PELP1: variants seen among roughly 807,000 people sequenced by gnomAD.
The protein encoded by PELP1 is proline-, glutamic acid- and leucine-rich protein 1.
In PELP1, 32 loss-of-function variants were observed where a neutral mutation model predicts 95.5. The observed-to-expected ratio is 0.34, with a 90% CI of 0.25 to 0.45. The LOEUF (loss-of-function observed/expected upper bound fraction) is 0.45, where lower values mean the gene tolerates loss of function less well. Ranked by LOEUF, PELP1 falls within the 20% of genes least tolerant of loss-of-function variation. PELP1 has a pLI of 1.00. For synonymous variants in PELP1, 668 were observed against 600.1 expected (o/e 1.11, Z -1.65); for missense variants, 1,358 against 1,444.8 (o/e 0.94, Z 0.97).
In PELP1 at chr17:4,672,306, T is replaced by TTCTTCCTCTTCCTCCTCC; in HGVS notation, c.2667_2684dup (p.Glu903_Glu908dup). 1 of 1,538,936 alleles carries TTCTTCCTCTTCCTCCTCC rather than the reference T, an allele frequency of 6.5e-7. No homozygotes were observed. Among genetic ancestry groups the TTCTTCCTCTTCCTCCTCC allele is most frequent in the Non-Finnish European group, 8.8e-7 (1 of 1,136,976 alleles). On this transcript the variant is annotated inframe_insertion, in exon 16 of 17. Coordinates refer to ENST00000572293, the MANE Select transcript of PELP1 (RefSeq NM_014389.3). ...CTTCTTCCTCTTCTTCTTCTTCCTC[T>TTCTTCCTCTTCCTCCTCC]TCTTCCTCTTCCTCCTCCTCTTCAT...
chr17:4,702,366 C>A (rs1252718553), intron 1 of PELP1, among the ~76,000 whole-genome samples: 2 of 152,122 alleles, frequency 1.3e-5, no homozygotes, highest in East Asian at 3.9e-4. Context: ...TTGCAGTGAG[C>A]CAAGATCATG....
At chr17:4,677,655 G>A (rs768131958) in intron 5 of PELP1, among the ~76,000 whole-genome samples, 1 of 152,222 alleles carries the variant, frequency 6.6e-6, no homozygotes, top group Non-Finnish European at 1.5e-5. Flanking sequence ...CAGGCTGGGT[G>A]CAGTAGCTCA....
At chr17:4,682,387 T>C (rs936132850) in intron 5 of PELP1, 115 bp downstream of exon 5, 13 of 709,156 alleles carry the variant, frequency 1.8e-5, no homozygotes, top group African/African-American at 1.2e-4. Context: ...CTTGTGGAGA[T>C]AGGTAACTTT....
intron 12 of PELP1, 34 bp from the exon 13 acceptor site, chr17:4,674,703 G>A: frequency 6.3e-7 from 1 of 1,591,008 alleles, no homozygotes; most frequent in South Asian, 1.1e-5. Flanking sequence ...CACATCCACA[G>A]GCAAACAACA....
chr17:4,680,585 C>T (rs1346459706), intron 5 of PELP1, among the ~76,000 whole-genome samples: 1 of 152,120 alleles, frequency 6.6e-6, no homozygotes, highest in Non-Finnish European at 1.5e-5. Flanking sequence ...GCCTCATAAT[C>T]TCACTTTCAA....
chr17:4,674,681 G>A lies in PELP1; in HGVS notation c.1423-12C>T. 1 of 1,592,934 alleles carries A rather than the reference G, an allele frequency of 6.3e-7. No individual in the cohort carries two copies. Reference sequence around the variant, plus strand: ...CGCGGGCTACGCAGCTGGAGGCAGAGAAAACATAAATCACATCCACAGGCA... The same window carrying A: ...CGCGGGCTACGCAGCTGGAGGCAGAAAAAACATAAATCACATCCACAGGCA... On this transcript the variant is annotated splice_polypyrimidine_tract_variant and intron_variant, in intron 12 of 16. Coordinates refer to ENST00000572293, the MANE Select transcript of PELP1 (RefSeq NM_014389.3).
At chr17:4,682,671 ACT>A in intron 4 of PELP1, 98 bp from the exon 5 acceptor site, 1 of 1,438,874 alleles carries the variant, frequency 6.9e-7, no homozygotes. Flanking sequence ...TCCAGAAATC[ACT>A]TTTTCTTGGC....
intron 3 of PELP1, 21 bp downstream of exon 3, chr17:4,690,867 G>A (rs374421440): frequency 1.4e-4 from 204 of 1,485,354 alleles, no homozygotes; most frequent in South Asian, 3.2e-4. Context: ...GGAGGAAGTA[G>A]GGCAGCAGCT....
In PELP1 at chr17:4,672,234, TTCC is replaced by T. The variant is rs557976312; in HGVS notation, c.2754_2756del (p.Glu919del). 1.1e-4 allele frequency: 173 copies of T among 1,553,002 alleles called. No homozygotes were observed. In the African/African-American group the frequency reaches 1.3e-3, roughly 12 times the overall value. On this transcript the variant is annotated inframe_deletion, in exon 16 of 17. Coordinates refer to ENST00000572293, the MANE Select transcript of PELP1 (RefSeq NM_014389.3). ...CCTCCTCTTCTTCCTCTTCAAAATA[TTCC>T]TCTTCATCCTCTTCCTCTTCCTCAA...
At chr17:4,686,167 C>G (rs1912903948) in intron 3 of PELP1, among the ~76,000 whole-genome samples, 1 of 152,174 alleles carries the variant, frequency 6.6e-6, no homozygotes, top group South Asian at 2.1e-4. Context: ...GCCACTTCCA[C>G]TGATGCCGGA....
intron 3 of PELP1, among the ~76,000 whole-genome samples, chr17:4,688,104 G>A (rs1286629246): frequency 1.3e-5 from 2 of 152,198 alleles, no homozygotes; most frequent in East Asian, 3.9e-4. Flanking sequence ...GGAGGCCGAG[G>A]CAGTCAGATC....
chr17:4,673,937 C>T lies in PELP1; in HGVS notation c.1583-263G>A, dbSNP rs2150553375. ...TATATTTGGGAACAATCGGTTCTCC[C>T]CTTCCCATGGGATGGGGTGGCAGGC... On this transcript the variant is annotated intron_variant, in intron 13 of 16. Coordinates refer to ENST00000572293, the MANE Select transcript of PELP1 (RefSeq NM_014389.3). This position sits in a 1 kb window ranked among gnomAD's most constrained non-coding sequence, Gnocchi z 5.7. 1 of 461,156 alleles carries T rather than the reference C, an allele frequency of 2.2e-6. No individual in the cohort carries two copies. Among genetic ancestry groups the T allele is most frequent in the African/African-American group, 2.0e-5 (1 of 51,182 alleles). The allele number at this position is 461,156 out of a possible 1,614,324, so 28.6% of individuals were successfully genotyped here. A position where few individuals can be genotyped will look rare whatever the true frequency, so the allele number is the denominator to read the frequency against.
Position 4,674,658 on chromosome 17 carries a change from C to T in PELP1, c.1434G>A (p.Pro478=). ...PPADALKLRS[P]RGSPDGSLQT... ...GCAAACTCCCATCAGGGCTCCCCCG[C>T]GGGCTACGCAGCTGGAGGCAGAGAA... The change falls in exon 13 of 17, where the codon CCG becomes CCA. Residue 478 remains proline, a synonymous_variant. Transcript: ENST00000572293. 1.3e-6 allele frequency: 2 copies of T among 1,596,986 alleles called. No homozygotes were observed. Among genetic ancestry groups the T allele is most frequent in the Non-Finnish European group, 1.7e-6 (2 of 1,175,106 alleles).
intron 1 of PELP1, among the ~76,000 whole-genome samples, chr17:4,700,642 A>C (rs1258073213): frequency 6.6e-6 from 1 of 152,122 alleles, no homozygotes; most frequent in Admixed American, 6.6e-5. Flanking sequence ...ATGGTCCACC[A>C]AGCTGAGCAC....
chr17:4,695,870 T>C (rs1024398522), intron 1 of PELP1, among the ~76,000 whole-genome samples: 16 of 151,468 alleles, frequency 1.1e-4, no homozygotes, highest in Admixed American at 6.6e-5. Context: ...TTTCACCATA[T>C]TGGTCAGGCT....
chr17:4,688,084 T>G (rs1275396992), intron 3 of PELP1, among the ~76,000 whole-genome samples: 1 of 152,108 alleles, frequency 6.6e-6, no homozygotes, highest in Non-Finnish European at 1.5e-5. Context: ...CCTGTAGTCT[T>G]AGCACTTAGG....
At chr17:4,697,501 G>A (rs1913342554) in intron 1 of PELP1, among the ~76,000 whole-genome samples, 1 of 152,146 alleles carries the variant, frequency 6.6e-6, no homozygotes, top group Non-Finnish European at 1.5e-5. Context: ...GCAACACAGC[G>A]AGACCCTGTC....
chr17:4,697,032 T>C (rs1250053276), intron 1 of PELP1, among the ~76,000 whole-genome samples: 2 of 152,180 alleles, frequency 1.3e-5, no homozygotes, highest in Non-Finnish European at 2.9e-5. Flanking sequence ...AACTTCTGGC[T>C]GGAGATGTAA....
chr17:4,674,966 G>C lies in PELP1; in HGVS notation c.1275-10C>G, dbSNP rs557518872. 1 of 1,607,634 alleles carries C rather than the reference G, an allele frequency of 6.2e-7. No individual in the cohort carries two copies. Among genetic ancestry groups the C allele is most frequent in the African/African-American group, 1.3e-5 (1 of 74,798 alleles). On this transcript the variant is annotated splice_polypyrimidine_tract_variant and intron_variant, in intron 11 of 16. Transcript: ENST00000572293. ...CTTGGTCCGAACCGTGCTGTGTCATGAGCAAAGATGGCAGTTATGAATGGG... is the reference window on the plus strand; with the variant it reads ...CTTGGTCCGAACCGTGCTGTGTCATCAGCAAAGATGGCAGTTATGAATGGG...
Sources: allele counts gnomAD v4.1 joint callset (sites outside exome capture counted in the v4.1 genomes callset), GRCh38; gene constraint gnomAD v4.1.1; non-coding constraint Gnocchi (gnomAD v3.1); transcripts MANE v1.5; gene names NCBI Gene and HGNC (gene_info 2026-07-23, HGNC 2026-07-21).